Variants in KLF12 observed in about 807,000 individuals in gnomAD.
KLF12 encodes the protein KLF transcription factor 12.
Under a neutral mutation model 37.8 loss-of-function variants are expected in KLF12, and 9 were observed. The ratio of observed to expected loss-of-function variants is 0.24; its 90% confidence interval spans 0.14 to 0.42. The LOEUF (loss-of-function observed/expected upper bound fraction) is 0.42, where lower values mean the gene tolerates loss of function less well. KLF12 is among the 10% of genes least tolerant of loss of function. The probability of loss-of-function intolerance (pLI) is 1.00; values close to 1 mark genes in which losing one functional copy is unlikely to be tolerated. For synonymous variants in KLF12, 208 were observed against 202.1 expected (o/e 1.03, Z -0.25); for missense variants, 411 against 516.0 (o/e 0.80, Z 1.97).
At chr13:74,069,730 A>G (rs1874117685) in intron 1 of KLF12, among the ~76,000 whole-genome samples, 1 of 152,214 alleles carries the variant, frequency 6.6e-6, no homozygotes, top group African/African-American at 2.4e-5. Flanking sequence ...GTCCAATAAA[A>G]AAATAGAAGA....
chr13:74,059,612 T>C lies in KLF12; in HGVS notation c.-31-64559A>G, dbSNP rs576945567. On this transcript the variant is annotated intron_variant, in intron 1 of 7. Coordinates refer to ENST00000377669, the MANE Select transcript of KLF12 (RefSeq NM_007249.5). ...TTTCAGAAGTGTCTGTTCATGACCT[T>C]GGTCCACTTTTTAATGGAGTTTTTT... 2.0e-5 allele frequency among the ~76,000 whole-genome samples: 3 copies of C among 152,360 alleles called. No individual in the cohort carries two copies. The East Asian group carries it at 5.8e-4, about 29-fold the overall frequency.
chr13:73,931,278 G>T (rs1889662354), intron 3 of KLF12, among the ~76,000 whole-genome samples: 1 of 152,120 alleles, frequency 6.6e-6, no homozygotes, highest in African/African-American at 2.4e-5. Flanking sequence ...ACTATGCTAA[G>T]TATTATGTAT....
intron 1 of KLF12, among the ~76,000 whole-genome samples, chr13:74,018,332 G>C (rs562956756): frequency 6.6e-6 from 1 of 152,116 alleles, no homozygotes; most frequent in South Asian, 2.1e-4. Flanking sequence ...GTTGGTCAAA[G>C]AATACATATT....
intron 5 of KLF12, chr13:73,801,481 C>G (rs1288940069): frequency 2.0e-5 from 3 of 152,046 alleles, no homozygotes; most frequent in Non-Finnish European, 4.4e-5. Context: ...TCAACATTAT[C>G]ACCGAGTATC....
At chr13:74,084,007 T>C (rs1376399467) in intron 1 of KLF12, among the ~76,000 whole-genome samples, 1 of 152,168 alleles carries the variant, frequency 6.6e-6, no homozygotes, top group Non-Finnish European at 1.5e-5. Flanking sequence ...AAAAGCAAGA[T>C]TTCTTATAGC....
chr13:73,764,709 CA>C (rs1000382431), intron 6 of KLF12, among the ~76,000 whole-genome samples: 33 of 147,990 alleles, frequency 2.2e-4, no homozygotes, highest in African/African-American at 4.5e-4. Flanking sequence ...TCATATCTGT[CA>C]AAAAAAAAAG....
At chr13:73,744,811 G>A (rs1475275936) in intron 6 of KLF12, among the ~76,000 whole-genome samples, 1 of 152,178 alleles carries the variant, frequency 6.6e-6, no homozygotes. Context: ...ACGCATAGGT[G>A]AGCATACGCA....
chr13:73,980,289 G>C (rs545887484), intron 2 of KLF12, among the ~76,000 whole-genome samples: 1 of 152,042 alleles, frequency 6.6e-6, no homozygotes, highest in Non-Finnish European at 1.5e-5. Flanking sequence ...CAGATAAATG[G>C]GTTCTACCAA....
the KLF12 span, among the ~76,000 whole-genome samples, chr13:74,268,005 G>A: frequency 6.6e-6 from 1 of 152,116 alleles, no homozygotes; most frequent in East Asian, 1.9e-4. Context: ...AGCAAGGAAG[G>A]AGATTCTCCT....
the KLF12 span, among the ~76,000 whole-genome samples, chr13:74,189,706 T>G: frequency 1.3e-5 from 2 of 152,370 alleles, no homozygotes; most frequent in East Asian, 3.9e-4. Context: ...ATTTCACTCA[T>G]ATATAAGTAA....
chr13:74,022,236 C>A (rs780048213), intron 1 of KLF12, among the ~76,000 whole-genome samples: 54 of 152,212 alleles, frequency 3.5e-4, no homozygotes, highest in Non-Finnish European at 5.0e-4. Flanking sequence ...AAGTACAAGG[C>A]AGACTGCAAG....
At chr13:74,099,718 A>C (rs988031628) in intron 1 of KLF12, among the ~76,000 whole-genome samples, 2 of 152,202 alleles carry the variant, frequency 1.3e-5, no homozygotes, top group African/African-American at 2.4e-5. Context: ...TTCCTCACAC[A>C]TAATTCAGCT....
intron 3 of KLF12, among the ~76,000 whole-genome samples, chr13:73,931,756 G>T (rs1240047185): frequency 1.3e-5 from 2 of 151,240 alleles, no homozygotes; most frequent in African/African-American, 4.9e-5. Flanking sequence ...ATATATCTAT[G>T]ATCAGAACCA....
chr13:74,066,110 C>T (rs1380420761), intron 1 of KLF12, among the ~76,000 whole-genome samples: 1 of 152,040 alleles, frequency 6.6e-6, no homozygotes. Context: ...TCCACATCCA[C>T]AGGTCAGTAA....
intron 1 of KLF12, among the ~76,000 whole-genome samples, chr13:74,034,689 G>A (rs1024909671): frequency 1.5e-4 from 23 of 152,208 alleles, no homozygotes; most frequent in Admixed American, 9.8e-4. Context: ...ACTCTGATTC[G>A]GGTTTTATGA....
At chr13:74,033,766 C>T (rs78671874) in intron 1 of KLF12, among the ~76,000 whole-genome samples, 1,928 of 152,222 alleles carry the variant, frequency 0.013, 35 homozygotes, top group African/African-American at 0.043. Flanking sequence ...AATCTTTACA[C>T]ATACTCATAA....
the KLF12 span, among the ~76,000 whole-genome samples, chr13:74,227,114 C>T: frequency 1.3e-5 from 2 of 152,158 alleles, no homozygotes; most frequent in African/African-American, 4.8e-5. Flanking sequence ...ATTTCCAATA[C>T]ACCCTACATG....
chr13:74,270,634 A>C, the KLF12 span, among the ~76,000 whole-genome samples: 1 of 152,292 alleles, frequency 6.6e-6, no homozygotes, highest in South Asian at 2.1e-4. Flanking sequence ...CTTTATAATA[A>C]AAAATTGATC....
At chr13:73,813,095 C>T in intron 5 of KLF12, 57 bp downstream of exon 5, 1 of 1,580,356 alleles carries the variant, frequency 6.3e-7, no homozygotes, top group East Asian at 2.3e-5. Context: ...CTGCAGTTTC[C>T]ATTATCCATT....
Sources: gnomAD v4.1 joint callset for allele counts (sites outside exome capture counted in the v4.1 genomes callset) on GRCh38, gnomAD v4.1.1 for gene constraint, MANE v1.5 for transcripts, NCBI Gene and HGNC (gene_info 2026-07-23, HGNC 2026-07-21) for gene names.